Variants in TAF4 observed in about 807,000 individuals in gnomAD.
TAF4 encodes the protein transcription initiation factor TFIID subunit 4.
In TAF4, 9 loss-of-function variants were observed where a neutral mutation model predicts 90.3. That is an observed-to-expected ratio of 0.10 (90% CI 0.06 to 0.17). The LOEUF is 0.17. TAF4 is among the 10% of genes least tolerant of loss of function. The pLI, the probability that TAF4 is intolerant of heterozygous loss-of-function variation, is 1.00. For missense variants in TAF4, 1,351 were observed against 1,370.7 expected, an observed-to-expected ratio of 0.99 and a Z score of 0.23; for synonymous variants, 818 against 638.9, an observed-to-expected ratio of 1.28 and a Z score of -4.23.
intron 1 of TAF4, chr20:62,064,219 C>A: frequency 4.7e-6 from 2 of 423,120 alleles, no homozygotes; most frequent in Non-Finnish European, 8.0e-6. Context: ...GCAGCCAGCG[C>A]GGACGTCAGG....
At chr20:61,984,475 C>T (rs1051891906) in intron 14 of TAF4, among the ~76,000 whole-genome samples, 3 of 152,114 alleles carry the variant, frequency 2.0e-5, no homozygotes, top group African/African-American at 7.2e-5. Flanking sequence ...GTCACCGTGT[C>T]GACAGCCCAG....
chr20:62,007,305 C>T (rs1274728489), intron 6 of TAF4, among the ~76,000 whole-genome samples: 3 of 152,232 alleles, frequency 2.0e-5, no homozygotes, highest in Non-Finnish European at 4.4e-5. Flanking sequence ...AAGCACACGC[C>T]CTTCTCACCA....
intron 13 of TAF4, 95 bp downstream of exon 13, chr20:61,998,041 G>A (rs1001117611): frequency 2.9e-5 from 35 of 1,195,050 alleles, no homozygotes; most frequent in African/African-American, 1.4e-4. Flanking sequence ...AATGCCTATC[G>A]TACAGAAGTG....
chr20:62,053,288 T>C (rs1263179304), intron 1 of TAF4, among the ~76,000 whole-genome samples: 1 of 151,066 alleles, frequency 6.6e-6, no homozygotes, highest in African/African-American at 2.4e-5. Flanking sequence ...CGGCCCTGAG[T>C]GCAAGCACCA....
intron 1 of TAF4, among the ~76,000 whole-genome samples, chr20:62,039,334 GTTCA>G (rs1213876475): frequency 1.3e-5 from 2 of 152,142 alleles, no homozygotes; most frequent in Non-Finnish European, 2.9e-5. Context: ...CAGCAGCATC[GTTCA>G]ATAGAGAAAG....
chr20:62,053,062 C>A (rs1229425529), intron 1 of TAF4, among the ~76,000 whole-genome samples: 1 of 152,138 alleles, frequency 6.6e-6, no homozygotes, highest in Non-Finnish European at 1.5e-5. Context: ...ACTCTGGTGG[C>A]ACGCCCACAA....
chr20:62,017,004 G>A (rs1268677853), intron 1 of TAF4, among the ~76,000 whole-genome samples: 2 of 151,900 alleles, frequency 1.3e-5, no homozygotes, highest in Admixed American at 6.6e-5. Context: ...TTAGCCAGGC[G>A]TGGTGGCACA....
At chr20:61,976,408 G>A (rs1600820595) in intron 14 of TAF4, 73 bp from the exon 15 acceptor site, 5 of 1,557,896 alleles carry the variant, frequency 3.2e-6, no homozygotes, top group Admixed American at 1.7e-5. Context: ...CTGTGTATCT[G>A]AGCCAAGTAC....
chr20:62,004,032 G>A (rs1320997877), intron 7 of TAF4, among the ~76,000 whole-genome samples, 154 bp from the exon 8 acceptor site: 2 of 152,234 alleles, frequency 1.3e-5, no homozygotes, highest in South Asian at 4.1e-4. Flanking sequence ...AGCCCCAGCA[G>A]GCTGCAGGAC....
intron 14 of TAF4, among the ~76,000 whole-genome samples, chr20:61,985,423 T>C (rs2055581932): frequency 1.3e-5 from 2 of 151,766 alleles, no homozygotes; most frequent in Admixed American, 1.3e-4. Context: ...TAAAAACAAA[T>C]AATAAAAATT....
intron 14 of TAF4, among the ~76,000 whole-genome samples, chr20:61,977,065 C>T (rs541256150): frequency 1.4e-4 from 19 of 131,674 alleles, no homozygotes; most frequent in Admixed American, 1.2e-3. Flanking sequence ...CACCGCCCAG[C>T]GGGGCACACG....
At chr20:62,055,642 G>C (rs1169240160) in intron 1 of TAF4, among the ~76,000 whole-genome samples, 1 of 152,158 alleles carries the variant, frequency 6.6e-6, no homozygotes, top group East Asian at 1.9e-4. Context: ...ATCTACACGG[G>C]GGACCCCTGC....
chr20:62,003,080 G>T, intron 9 of TAF4, 80 bp downstream of exon 9: 1 of 1,245,486 alleles, frequency 8.0e-7, no homozygotes, highest in Non-Finnish European at 1.2e-6. Context: ...AGACCCGTGG[G>T]CGGGAATGGA....
chr20:62,014,463 G>A (rs1266859284), intron 2 of TAF4, 84 bp downstream of exon 2: 16 of 1,454,062 alleles, frequency 1.1e-5, no homozygotes, highest in Admixed American at 2.7e-5. Flanking sequence ...GGCTGTGCCT[G>A]GCCCTTGCAG....
chr20:62,006,889 C>T lies in TAF4; in HGVS notation c.1975-131G>A. 1 of 1,261,908 alleles carries T rather than the reference C, an allele frequency of 7.9e-7. No individual in the cohort carries two copies. The highest frequency in any genetic ancestry group is 1.0e-6 in the Non-Finnish European group (1 of 981,296). 78.2% of individuals were successfully genotyped at this position (1,261,908 alleles called of 1,614,324 possible). On this transcript the variant is annotated intron_variant, in intron 6 of 14. Transcript: ENST00000252996. This position sits in a 1 kb window ranked among gnomAD's most constrained non-coding sequence, Gnocchi z 7.0. ...GTAAGATGGATCTTGGCCCTCACGG[C>T]AGCATGTCTGGATGTCAAGGGCCAG...
chr20:61,993,213 T>C (rs2055642808), intron 14 of TAF4, among the ~76,000 whole-genome samples: 1 of 152,150 alleles, frequency 6.6e-6, no homozygotes, highest in Admixed American at 6.5e-5. Flanking sequence ...GCCCTAGGCA[T>C]GAAGCATGAC....
At chr20:62,002,178 C>G (rs1227756455) in intron 9 of TAF4, among the ~76,000 whole-genome samples, 2 of 152,206 alleles carry the variant, frequency 1.3e-5, no homozygotes, top group East Asian at 1.9e-4. Context: ...CCTAAGTGCC[C>G]TCCCTTCTCA....
intron 1 of TAF4, among the ~76,000 whole-genome samples, chr20:62,022,211 G>A (rs777318813): frequency 5.3e-5 from 8 of 152,296 alleles, no homozygotes; most frequent in Non-Finnish European, 1.2e-4. Flanking sequence ...CCAGGAAAAC[G>A]CAGAGGACAG....
chr20:62,036,813 A>C (rs1026736564), intron 1 of TAF4, among the ~76,000 whole-genome samples: 1 of 152,244 alleles, frequency 6.6e-6, no homozygotes, highest in Non-Finnish European at 1.5e-5. Flanking sequence ...ATCACAATTC[A>C]TATGCTGAAA....
Sources: allele counts gnomAD v4.1 joint callset (sites outside exome capture counted in the v4.1 genomes callset), GRCh38; gene constraint gnomAD v4.1.1; non-coding constraint Gnocchi (gnomAD v3.1); transcripts MANE v1.5; gene names NCBI Gene and HGNC (gene_info 2026-07-23, HGNC 2026-07-21).